TFDP2: variants seen among roughly 807,000 people sequenced by gnomAD.
TFDP2 encodes the protein transcription factor Dp-2.
TFDP2 carries 17 observed loss-of-function variants against 59.3 expected under a neutral mutation model. The ratio of observed to expected loss-of-function variants is 0.29; its 90% confidence interval spans 0.20 to 0.43. TFDP2 has a LOEUF of 0.43. Among genes scored for constraint, TFDP2 ranks in the 20% least tolerant of loss-of-function variants. TFDP2 has a pLI of 1.00. For synonymous variants in TFDP2, 180 were observed against 194.7 expected, an observed-to-expected ratio of 0.92 and a Z score of 0.63; for missense variants, 391 against 528.8, an observed-to-expected ratio of 0.74 and a Z score of 2.56.
At position 141,945,057 on chromosome 3, in the gene TFDP2, A is replaced by G. The variant is rs1935091387; in HGVS notation, c.*7456T>C. Reference sequence around the variant, plus strand: ...ATATTTTCTGGAAATAAAACCCAATAGCACATAGTCAGAGTAAAGCATTTT... The same window carrying G: ...ATATTTTCTGGAAATAAAACCCAATGGCACATAGTCAGAGTAAAGCATTTT... On this transcript the variant is annotated 3_prime_UTR_variant, in exon 13 of 13. Coordinates refer to ENST00000489671, the MANE Select transcript of TFDP2 (RefSeq NM_001178139.2). 6.6e-6 allele frequency: 1 copy of G among 152,254 alleles called. No homozygotes were observed. Among genetic ancestry groups the G allele is most frequent in the African/African-American group, 2.4e-5 (1 of 41,446 alleles). 9.4% of individuals were successfully genotyped at this position (152,254 alleles called of 1,614,324 possible). A position where few individuals can be genotyped will look rare whatever the true frequency, so the allele number is the denominator to read the frequency against.
At chr3:142,012,937 G>A (rs1944837448) in intron 3 of TFDP2, among the ~76,000 whole-genome samples, 1 of 152,072 alleles carries the variant, frequency 6.6e-6, no homozygotes, top group Non-Finnish European at 1.5e-5. Context: ...AGGAGTTTGA[G>A]ACCAGCCTGA....
At chr3:142,042,909 T>G (rs1947082333) in intron 3 of TFDP2, among the ~76,000 whole-genome samples, 1 of 150,688 alleles carries the variant, frequency 6.6e-6, no homozygotes, top group African/African-American at 2.4e-5. Flanking sequence ...CCGACTAATT[T>G]TTTTGTATTT....
At chr3:142,141,164 G>A (rs2062945874) in intron 1 of TFDP2, among the ~76,000 whole-genome samples, 1 of 152,214 alleles carries the variant, frequency 6.6e-6, no homozygotes, top group Admixed American at 6.5e-5. Flanking sequence ...CGGATGTGGG[G>A]CCCGCCAAGC....
At chr3:141,958,947 CTTTTTT>C (rs984082447) in intron 11 of TFDP2, among the ~76,000 whole-genome samples, 1 of 103,682 alleles carries the variant, frequency 9.6e-6, no homozygotes. Flanking sequence ...GATGTACCTA[CTTTTTT>C]TTTTTTTTTT....
chr3:142,124,736 AT>A (rs2062176017), intron 1 of TFDP2, among the ~76,000 whole-genome samples: 1 of 152,118 alleles, frequency 6.6e-6, no homozygotes, highest in Admixed American at 6.6e-5. Flanking sequence ...TTTTTTTTAC[AT>A]TTAAAGAAAA....
At chr3:142,003,333 T>C (rs111240145) in intron 4 of TFDP2, among the ~76,000 whole-genome samples, 10,598 of 152,120 alleles carry the variant, frequency 0.07, 461 homozygotes, top group Non-Finnish European at 0.1. Flanking sequence ...GGTTTCACCA[T>C]GTTGACCAGG....
intron 3 of TFDP2, among the ~76,000 whole-genome samples, chr3:142,077,496 A>G (rs2108570180): frequency 6.6e-6 from 1 of 152,200 alleles, no homozygotes; most frequent in East Asian, 1.9e-4. Flanking sequence ...GCTCAGCCAC[A>G]GTAGAATAGG....
chr3:141,998,194 G>GATACAGTAAGTTCC (rs1368952150), intron 4 of TFDP2, among the ~76,000 whole-genome samples: 1 of 152,186 alleles, frequency 6.6e-6, no homozygotes, highest in African/African-American at 2.4e-5. Context: ...GATAATGAGA[G>GATACAGTAAGTTCC]TGAAACGTAA....
chr3:142,059,900 CTTCT>C (rs1170587621), intron 3 of TFDP2, among the ~76,000 whole-genome samples: 2 of 152,048 alleles, frequency 1.3e-5, no homozygotes, highest in Admixed American at 1.3e-4. Context: ...GCTTTCTTTC[CTTCT>C]ATTTGGAACT....
chr3:141,959,602 T>C, intron 11 of TFDP2, 72 bp downstream of exon 11: 1 of 1,549,050 alleles, frequency 6.5e-7, no homozygotes, highest in Non-Finnish European at 8.7e-7. Flanking sequence ...CAATTTTCTA[T>C]AAGAAAGGTT....
intron 1 of TFDP2, among the ~76,000 whole-genome samples, chr3:142,127,897 T>C (rs1442305084): frequency 6.6e-6 from 1 of 152,220 alleles, no homozygotes; most frequent in Non-Finnish European, 1.5e-5. Context: ...TTAACCCATG[T>C]AGCTAAGAAA....
intron 11 of TFDP2, among the ~76,000 whole-genome samples, chr3:141,959,053 A>G (rs1415988466): frequency 6.0e-5 from 9 of 150,480 alleles, no homozygotes; most frequent in African/African-American, 2.2e-4. Context: ...CCCAGGTTCA[A>G]GTGATTCTCC....
intron 4 of TFDP2, among the ~76,000 whole-genome samples, chr3:142,001,996 T>TG (rs1025157909): frequency 2.0e-5 from 3 of 150,724 alleles, no homozygotes; most frequent in African/African-American, 7.3e-5. Flanking sequence ...CCTGGTTTTT[T>TG]TTTTTTTTTT....
At chr3:141,994,766 G>A (rs1051659508) in intron 5 of TFDP2, 1 of 292,860 alleles carries the variant, frequency 3.4e-6, no homozygotes, top group African/African-American at 2.2e-5. Context: ...AATAATAAAA[G>A]TAGTCCTATT....
At chr3:142,065,494 G>T (rs2060043511) in intron 3 of TFDP2, among the ~76,000 whole-genome samples, 1 of 150,468 alleles carries the variant, frequency 6.6e-6, no homozygotes, top group South Asian at 2.1e-4. Context: ...TTCACTCTGT[G>T]TGTGTGTGTG....
intron 8 of TFDP2, among the ~76,000 whole-genome samples, chr3:141,971,427 T>C (rs1939726996): frequency 6.8e-6 from 1 of 147,900 alleles, no homozygotes; most frequent in Non-Finnish European, 1.5e-5. Flanking sequence ...CAGGCGCCTG[T>C]AATCCCAGCT....
chr3:141,968,465 TA>T (rs1273803718), intron 9 of TFDP2, among the ~76,000 whole-genome samples: 2 of 80,442 alleles, frequency 2.5e-5, no homozygotes, highest in Admixed American at 2.9e-4. Flanking sequence ...CATATATAGA[TA>T]TATATATAAC....
chr3:142,044,666 C>T (rs560747504), intron 3 of TFDP2, among the ~76,000 whole-genome samples: 3 of 152,104 alleles, frequency 2.0e-5, no homozygotes, highest in African/African-American at 2.4e-5. Context: ...CCACCGTGCC[C>T]GGCCCTAAAT....
At chr3:142,137,482 A>G (rs2062777883) in intron 1 of TFDP2, among the ~76,000 whole-genome samples, 1 of 152,126 alleles carries the variant, frequency 6.6e-6, no homozygotes, top group East Asian at 1.9e-4. Context: ...GAATGCTTCC[A>G]GTTTTTGCCC....
Sources: gnomAD v4.1 joint callset for allele counts (sites outside exome capture counted in the v4.1 genomes callset) on GRCh38, gnomAD v4.1.1 for gene constraint, MANE v1.5 for transcripts, NCBI Gene and HGNC (gene_info 2026-07-23, HGNC 2026-07-21) for gene names.